The following GLRA1 variants were observed in gnomAD, a reference collection of about 807,000 sequenced individuals.
The protein encoded by GLRA1 is glycine receptor alpha 1.
A neutral mutation model predicts 48.3 loss-of-function variants in GLRA1; 37 were observed. The observed-to-expected ratio is 0.77, with a 90% CI of 0.59 to 1.01. The LOEUF (loss-of-function observed/expected upper bound fraction) is 1.01, where lower values mean the gene tolerates loss of function less well. GLRA1 is among the 50% of genes least tolerant of loss of function. The pLI, the probability that GLRA1 is intolerant of heterozygous loss-of-function variation, is 0.00. For missense variants in GLRA1, 427 were observed against 571.0 expected, an observed-to-expected ratio of 0.75 and a Z score of 2.57; for synonymous variants, 196 against 210.7, an observed-to-expected ratio of 0.93 and a Z score of 0.60.
At chr5:151,909,780 C>G (rs2113449958) in intron 1 of GLRA1, among the ~76,000 whole-genome samples, 1 of 152,232 alleles carries the variant, frequency 6.6e-6, no homozygotes. Context: ...ATTCTCAGTT[C>G]TTGTCTGGGC....
intron 5 of GLRA1, 94 bp downstream of exon 5, chr5:151,856,207 C>G: frequency 1.2e-6 from 1 of 813,060 alleles, no homozygotes; most frequent in Middle Eastern, 2.3e-4. Context: ...CTCCTGGGGT[C>G]TAGTGGTTAG....
chr5:151,862,011 C>T (rs561879711), intron 3 of GLRA1, among the ~76,000 whole-genome samples: 11 of 152,272 alleles, frequency 7.2e-5, no homozygotes, highest in East Asian at 1.9e-4. Flanking sequence ...GGAGGCATCA[C>T]GCTACCTGAC....
chr5:151,924,125 T>A (rs72802240), intron 1 of GLRA1, among the ~76,000 whole-genome samples: 24,751 of 152,042 alleles, frequency 0.16, 2,870 homozygotes, highest in East Asian at 0.55. Context: ...CTAATTAAAC[T>A]GAGTAACTCC....
intron 1 of GLRA1, among the ~76,000 whole-genome samples, chr5:151,908,160 G>A (rs2094501261): frequency 6.6e-6 from 1 of 152,182 alleles, no homozygotes; most frequent in Non-Finnish European, 1.5e-5. Flanking sequence ...CCCCTGTTCT[G>A]TAGACATCAG....
chr5:151,848,590 G>A (rs1455208530), intron 7 of GLRA1, among the ~76,000 whole-genome samples: 1 of 152,218 alleles, frequency 6.6e-6, no homozygotes, highest in Non-Finnish European at 1.5e-5. Context: ...TGTCTGCATT[G>A]TTGTTGCTGG....
chr5:151,875,358 G>A (rs950106381), intron 3 of GLRA1, among the ~76,000 whole-genome samples: 1 of 152,064 alleles, frequency 6.6e-6, no homozygotes, highest in Non-Finnish European at 1.5e-5. Context: ...TTTTTTTGTA[G>A]AGATGGGGTT....
chr5:151,909,975 A>G (rs1490185126), intron 1 of GLRA1, among the ~76,000 whole-genome samples: 1 of 152,050 alleles, frequency 6.6e-6, no homozygotes, highest in Admixed American at 6.6e-5. Context: ...CCCTGATGAG[A>G]GTATGTACCA....
intron 3 of GLRA1, among the ~76,000 whole-genome samples, chr5:151,878,365 G>A (rs1403095466): frequency 1.3e-5 from 2 of 152,196 alleles, no homozygotes; most frequent in East Asian, 3.8e-4. Context: ...TATAAGGGAA[G>A]CAGAGCATAA....
At chr5:151,879,012 G>T (rs968997914) in intron 3 of GLRA1, among the ~76,000 whole-genome samples, 1 of 152,292 alleles carries the variant, frequency 6.6e-6, no homozygotes, top group African/African-American at 2.4e-5. Context: ...CTGACAACTT[G>T]CACTGTGAGC....
In GLRA1 at chr5:151,924,806, T is replaced by G. The variant is rs1276205240; in HGVS notation, c.-257A>C. ...TGCTTTTCAGGAGCGCGAAGAGTATTGCTGTTTGTTAAACTCCAGCGTGTC... is the reference window on the plus strand; with the variant it reads ...TGCTTTTCAGGAGCGCGAAGAGTATGGCTGTTTGTTAAACTCCAGCGTGTC... On this transcript the variant is annotated 5_prime_UTR_variant, in exon 1 of 9. Coordinates refer to ENST00000274576, the MANE Select transcript of GLRA1 (RefSeq NM_000171.4). 17 of 579,660 alleles carry G rather than the reference T, an allele frequency of 2.9e-5. No homozygotes were observed. Among genetic ancestry groups the G allele is most frequent in the Non-Finnish European group, 4.9e-5 (16 of 324,450 alleles). 35.9% of individuals were successfully genotyped at this position (579,660 alleles called of 1,614,324 possible).
chr5:151,835,373 A>C (rs369624610), intron 7 of GLRA1, among the ~76,000 whole-genome samples: 1 of 152,216 alleles, frequency 6.6e-6, no homozygotes, highest in East Asian at 1.9e-4. Flanking sequence ...ATTCATTCTG[A>C]AACTATTCCA....
intron 2 of GLRA1, among the ~76,000 whole-genome samples, chr5:151,888,884 T>C (rs1219550973): frequency 1.3e-5 from 2 of 152,244 alleles, no homozygotes; most frequent in Non-Finnish European, 2.9e-5. Context: ...TGTCCTTGTG[T>C]TGAGTGGAAG....
chr5:151,923,406 G>A (rs7708145), intron 1 of GLRA1, among the ~76,000 whole-genome samples: 81,435 of 151,956 alleles, frequency 0.54, 22,468 homozygotes, highest in African/African-American at 0.65. Context: ...AACAATTTGG[G>A]GTGGGTTTTT....
In GLRA1 at chr5:151,924,840, C is replaced by A; in HGVS notation, c.-291G>T. The A allele has an allele frequency of 1.9e-6, 1 of 524,878 alleles. No homozygotes were observed. Among genetic ancestry groups the A allele is most frequent in the Non-Finnish European group, 3.4e-6 (1 of 293,048 alleles). The allele number at this position is 524,878 out of a possible 1,614,324, so 32.5% of individuals were successfully genotyped here. The stretch of plus-strand genomic sequence containing the variant: ...TTAAACTCCAGCGTGTCTGTTGGCT[C>A]CCTGCGGCGCTGGGGAGGCACGTTT... On this transcript the variant is annotated 5_prime_UTR_variant, in exon 1 of 9. Coordinates refer to ENST00000274576, the MANE Select transcript of GLRA1 (RefSeq NM_000171.4).
At chr5:151,832,438 C>T (rs1763447558) in intron 7 of GLRA1, among the ~76,000 whole-genome samples, 1 of 152,038 alleles carries the variant, frequency 6.6e-6, no homozygotes, top group South Asian at 2.1e-4. Context: ...GAATAACAAG[C>T]TTAGAGAAGA....
chr5:151,848,822 C>A, intron 7 of GLRA1: 1 of 484,010 alleles, frequency 2.1e-6, no homozygotes, highest in Non-Finnish European at 3.9e-6. Context: ...CTCCTCTCCT[C>A]ACCTCACTCT....
chr5:151,849,206 T>TTTCTTCCTTCC (rs1554083337), intron 7 of GLRA1: 1 of 84,546 alleles, frequency 1.2e-5, no homozygotes, highest in African/African-American at 6.0e-5. Context: ...CTTTTCTTTC[T>TTTCTTCCTTCC]TTCCTTCCTT....
intron 3 of GLRA1, among the ~76,000 whole-genome samples, chr5:151,873,787 A>T (rs985331571): frequency 3.4e-4 from 51 of 151,788 alleles, no homozygotes; most frequent in African/African-American, 1.2e-3. Context: ...TGCTCGGAAC[A>T]CTCCTTGTCA....
rs1333402977 is a variant in GLRA1 at position 151,907,995 on chromosome 5, A to G, written c.57-15557T>C. Among the ~76,000 whole-genome samples the G allele has an allele frequency of 3.9e-5, 6 of 152,336 alleles. No homozygotes were observed. In the East Asian group the frequency reaches 1.2e-3, roughly 29 times the overall value. The stretch of plus-strand genomic sequence containing the variant: ...AATATGCTAATAATTGTTGTCCATA[A>G]TCTGGCCTGGAGGAGGAAGATGTGG... On this transcript the variant is annotated intron_variant, in intron 1 of 8. Transcript: ENST00000274576.
Sources: gnomAD v4.1 joint callset for allele counts (sites outside exome capture counted in the v4.1 genomes callset) on GRCh38, gnomAD v4.1.1 for gene constraint, MANE v1.5 for transcripts, NCBI Gene and HGNC (gene_info 2026-07-23, HGNC 2026-07-21) for gene names.